PPFIA1: variants seen among roughly 807,000 people sequenced by gnomAD.
PPFIA1 encodes liprin-alpha-1.
Under a neutral mutation model 149.9 loss-of-function variants are expected in PPFIA1, and 25 were observed. The observed-to-expected ratio is 0.17, with a 90% CI of 0.12 to 0.23. PPFIA1 has a LOEUF of 0.23. Among genes scored for constraint, PPFIA1 ranks in the 10% least tolerant of loss-of-function variants. The probability of loss-of-function intolerance (pLI) is 1.00; values close to 1 mark genes in which losing one functional copy is unlikely to be tolerated. For synonymous variants in PPFIA1, 549 were observed against 552.8 expected (o/e 0.99, Z 0.10); for missense variants, 1,362 against 1,506.5 (o/e 0.90, Z 1.59).
chr11:70,356,168 T>G lies in PPFIA1; in HGVS notation c.2496T>G (p.Val832=), dbSNP rs556582393. 6.2e-6 allele frequency: 10 copies of G among 1,614,056 alleles called. No individual in the cohort carries two copies. The African/African-American group carries it at 1.2e-4, about 19-fold the overall frequency. The change falls in exon 19 of 28, where the codon GTT becomes GTG. Residue 832 remains valine, a synonymous_variant. Transcript: ENST00000253925. ...TGTTCTGCTTCCTCACAGCTGGTGT[T>G]TCCGAGACGGATAACTCATCTCAGG... ...TGKEALGQAG[V]SETDNSSQDA...
At chr11:70,305,808 A>G (rs781522817) in intron 2 of PPFIA1, among the ~76,000 whole-genome samples, 1 of 152,186 alleles carries the variant, frequency 6.6e-6, no homozygotes, top group Non-Finnish European at 1.5e-5. Context: ...AAATTGGCTT[A>G]TATTTGGGCA....
intron 26 of PPFIA1, 146 bp from the exon 27 acceptor site, chr11:70,381,942 C>G (rs1301912487): frequency 3.1e-6 from 2 of 646,304 alleles, no homozygotes; most frequent in Non-Finnish European, 5.5e-6. Flanking sequence ...CTGGCTCCAT[C>G]CCGCCCACTC....
chr11:70,308,205 C>T (rs1020143806), intron 2 of PPFIA1, among the ~76,000 whole-genome samples: 11 of 152,162 alleles, frequency 7.2e-5, no homozygotes, highest in Admixed American at 3.3e-4. Flanking sequence ...TGTGCCGCCA[C>T]GGCCAGCTAA....
chr11:70,364,577 A>G (rs1374607379), intron 21 of PPFIA1: 1 of 152,114 alleles, frequency 6.6e-6, no homozygotes, highest in East Asian at 1.9e-4. Context: ...TACTTGTTTT[A>G]TTTATTTTTT....
In PPFIA1 at chr11:70,271,509, T is replaced by G. The variant is rs976379376; in HGVS notation, c.-1+595T>G. Among the ~76,000 whole-genome samples the G allele has an allele frequency of 2.7e-5, 4 of 148,300 alleles. No individual in the cohort carries two copies. In the Admixed American group the frequency reaches 2.7e-4, roughly 10 times the overall value. On this transcript the variant is annotated intron_variant, in intron 1 of 27. Transcript: ENST00000253925. ...CCCGGCTGTATCGACCTGCTATATT[T>G]CCATTGTGGATTTTTTTTTTCGGTT...
chr11:70,351,730 G>A (rs2056067309), intron 16 of PPFIA1, among the ~76,000 whole-genome samples: 1 of 152,186 alleles, frequency 6.6e-6, no homozygotes, highest in African/African-American at 2.4e-5. Context: ...TTTTACAGAT[G>A]TGGAAACTAA....
intron 21 of PPFIA1, chr11:70,363,439 G>C (rs988395598): frequency 1.3e-5 from 2 of 152,228 alleles, no homozygotes; most frequent in Non-Finnish European, 1.5e-5. Flanking sequence ...GTAGCATCTT[G>C]AGTAAAATTT....
intron 2 of PPFIA1, among the ~76,000 whole-genome samples, chr11:70,317,613 G>C (rs1404488093): frequency 6.6e-6 from 1 of 152,156 alleles, no homozygotes; most frequent in East Asian, 1.9e-4. Context: ...AGGATAGTTT[G>C]GGGTTCTTAG....
At position 70,351,155 on chromosome 11, in the gene PPFIA1, T is replaced by C. The variant is rs1453728513; in HGVS notation, c.2163+2735T>C. On this transcript the variant is annotated intron_variant, in intron 16 of 27. Coordinates refer to ENST00000253925, the MANE Select transcript of PPFIA1 (RefSeq NM_003626.5). ...TGGTTGGCGTTTTAATGGAAGTGTTTAAAGTGACCTAGCACCTTACTGACA... is the reference window on the plus strand; with the variant it reads ...TGGTTGGCGTTTTAATGGAAGTGTTCAAAGTGACCTAGCACCTTACTGACA... 4.0e-5 allele frequency: 14 copies of C among 354,202 alleles called. No homozygotes were observed. In the South Asian group the frequency reaches 6.2e-4, roughly 16 times the overall value. The allele number at this position is 354,202 out of a possible 1,614,324, so 21.9% of individuals were successfully genotyped here.
Position 70,362,244 on chromosome 11 carries a change from A to G in PPFIA1, c.2665-44A>G, listed in dbSNP as rs10751231. ...GTGAACTTACTGTTCTACTTTGTAG[A>G]CTGTACCTCACTGTGCTGCCTTCCT... On this transcript the variant is annotated intron_variant, in intron 20 of 27. Transcript: ENST00000253925. 575 of 1,613,252 alleles carry G rather than the reference A, an allele frequency of 3.6e-4. 4 individuals carry two copies. Among genetic ancestry groups the G allele is most frequent in the Non-Finnish European group, 6.6e-5 (78 of 1,179,270 alleles).
At chr11:70,360,132 T>C (rs2056563570) in intron 19 of PPFIA1, among the ~76,000 whole-genome samples, 1 of 152,268 alleles carries the variant, frequency 6.6e-6, no homozygotes, top group Non-Finnish European at 1.5e-5. Context: ...CCTAACTTCC[T>C]GTGACTCTTA....
At chr11:70,314,082 C>G (rs901955169) in intron 2 of PPFIA1, among the ~76,000 whole-genome samples, 2 of 152,174 alleles carry the variant, frequency 1.3e-5, no homozygotes, top group Admixed American at 1.3e-4. Context: ...GCCACGGACA[C>G]CGGCCGGATC....
chr11:70,278,351 A>G (rs547106830), intron 2 of PPFIA1, among the ~76,000 whole-genome samples: 3 of 152,320 alleles, frequency 2.0e-5, no homozygotes, highest in South Asian at 4.1e-4. Flanking sequence ...TCAGTTTTGA[A>G]GGATGATTTT....
At position 70,332,097 on chromosome 11, in the gene PPFIA1, A is replaced by C. The variant is rs2054702159; in HGVS notation, c.1212+3A>C. On this transcript the variant is annotated splice_donor_region_variant and intron_variant, in intron 9 of 27. Transcript: ENST00000253925. ...AGAGGGTGGCAGCGCTTTCCAAGGT[A>C]GTGCCATGAGCTTCATTCTGGTTCG... The C allele has an allele frequency of 3.1e-6, 5 of 1,592,336 alleles. No individual in the cohort carries two copies. The East Asian group carries it at 1.1e-4, about 36-fold the overall frequency.
intron 23 of PPFIA1, among the ~76,000 whole-genome samples, chr11:70,373,031 T>C (rs630280): frequency 0.88 from 134,532 of 152,186 alleles, 59,832 homozygotes; most frequent in East Asian, 1. Context: ...AGGCAGCGTC[T>C]GCATTTCAGC....
Position 70,329,444 on chromosome 11 carries a change from A to ATTAT in PPFIA1, c.931-714_931-711dup, listed in dbSNP as rs2054526140. Among the ~76,000 whole-genome samples the ATTAT allele has an allele frequency of 5.3e-5, 8 of 151,964 alleles. No individual in the cohort carries two copies. The South Asian group carries it at 1.2e-3, about 24-fold the overall frequency. ...TCATCAATTTAATTTTGAGGACATT[A>ATTAT]TTATTTATTTATTTATTTTTGAGAC... On this transcript the variant is annotated intron_variant, in intron 7 of 27. Transcript: ENST00000253925.
intron 2 of PPFIA1, among the ~76,000 whole-genome samples, chr11:70,284,495 T>TGG (rs1250761863): frequency 7.2e-6 from 1 of 138,088 alleles, no homozygotes; most frequent in African/African-American, 3.2e-5. Context: ...CAGTCAGTGG[T>TGG]AGAGACAGGG....
chr11:70,302,840 C>T (rs1052344651), intron 2 of PPFIA1, among the ~76,000 whole-genome samples: 1 of 150,276 alleles, frequency 6.7e-6, no homozygotes, highest in East Asian at 2.0e-4. Context: ...AACTCCTGGG[C>T]TCAAGCAATC....
At chr11:70,278,923 G>T in intron 2 of PPFIA1, 4 of 606,660 alleles carry the variant, frequency 6.6e-6, no homozygotes, top group Non-Finnish European at 1.3e-5. Context: ...TAGACAGTCT[G>T]CTGTTGTCCT....
Sources: allele counts gnomAD v4.1 joint callset (sites outside exome capture counted in the v4.1 genomes callset), GRCh38; gene constraint gnomAD v4.1.1; transcripts MANE v1.5; gene names NCBI Gene and HGNC (gene_info 2026-07-23, HGNC 2026-07-21).